The following TMEM163 variants were observed in gnomAD, a reference collection of about 807,000 sequenced individuals.
TMEM163 encodes transmembrane protein 163.
A neutral mutation model predicts 29.3 loss-of-function variants in TMEM163; 17 were observed. That is an observed-to-expected ratio of 0.58 (90% CI 0.40 to 0.87). TMEM163 has a LOEUF of 0.87. TMEM163 is among the 40% of genes least tolerant of loss of function. The pLI, the probability that TMEM163 is intolerant of heterozygous loss-of-function variation, is 0.00. For synonymous variants in TMEM163, 157 were observed against 160.6 expected (o/e 0.98, Z 0.17); for missense variants, 303 against 381.5 (o/e 0.79, Z 1.71).
intron 6 of TMEM163, among the ~76,000 whole-genome samples, chr2:134,465,206 A>G (rs1558911815): frequency 1.4e-5 from 2 of 141,000 alleles, no homozygotes; most frequent in African/African-American, 3.0e-5. Flanking sequence ...AAAAAAAACA[A>G]AAACAAAACA....
At position 134,456,529 on chromosome 2, in the gene TMEM163, GT is replaced by G. The variant is rs1219247182; in HGVS notation, c.*186del. The G allele has an allele frequency of 3.0e-4, 193 of 653,764 alleles. 1 individual carries two copies. Among genetic ancestry groups the G allele is most frequent in the Admixed American group, 1.4e-4 (6 of 41,888 alleles). 40.5% of individuals were successfully genotyped at this position (653,764 alleles called of 1,614,324 possible). A position where few individuals can be genotyped will look rare whatever the true frequency, so the allele number is the denominator to read the frequency against. ...ATTCCTATGGGCATTGTCCCAACAT[GT>G]TTGATGGGGGCGGCAGGTGATGGGG... is the stretch of plus-strand genomic sequence containing the variant. On this transcript the variant is annotated 3_prime_UTR_variant, in exon 8 of 8. Transcript: ENST00000281924.
intron 2 of TMEM163, among the ~76,000 whole-genome samples, chr2:134,556,847 T>A (rs145162669): frequency 6.6e-6 from 1 of 152,202 alleles, no homozygotes; most frequent in Admixed American, 6.5e-5. Flanking sequence ...AAATTAATAC[T>A]GTTTAATGTT....
At chr2:134,704,122 C>T (rs1684757612) in intron 2 of TMEM163, among the ~76,000 whole-genome samples, 1 of 152,098 alleles carries the variant, frequency 6.6e-6, no homozygotes, top group African/African-American at 2.4e-5. Context: ...ACCTACTGGG[C>T]CTTGGTCAAA....
chr2:134,473,535 CAAAA>C (rs59806390), intron 5 of TMEM163, among the ~76,000 whole-genome samples: 1 of 103,868 alleles, frequency 9.6e-6, no homozygotes, highest in Admixed American at 1.0e-4. Context: ...AACTCTGTCT[CAAAA>C]AAAAAAAAAA....
At chr2:134,472,046 T>G (rs981873374) in intron 5 of TMEM163, among the ~76,000 whole-genome samples, 1 of 152,216 alleles carries the variant, frequency 6.6e-6, no homozygotes, top group African/African-American at 2.4e-5. Flanking sequence ...GATGGAAGAT[T>G]ATGACAAAAA....
intron 2 of TMEM163, among the ~76,000 whole-genome samples, chr2:134,668,038 C>G (rs573999269): frequency 3.9e-4 from 59 of 152,290 alleles, no homozygotes; most frequent in Non-Finnish European, 6.5e-4. Flanking sequence ...TGCTGGGCCT[C>G]GCTTTCTGCA....
intron 2 of TMEM163, among the ~76,000 whole-genome samples, chr2:134,701,707 C>A (rs1684707524): frequency 6.6e-6 from 1 of 152,028 alleles, no homozygotes; most frequent in Non-Finnish European, 1.5e-5. Context: ...GTCAGGAGTT[C>A]AGGAGTTCGA....
chr2:134,682,904 C>T (rs537365275), intron 2 of TMEM163, among the ~76,000 whole-genome samples: 2 of 152,254 alleles, frequency 1.3e-5, no homozygotes, highest in South Asian at 4.2e-4. Context: ...ATAAACTTTG[C>T]TACATCCAGG....
intron 5 of TMEM163, among the ~76,000 whole-genome samples, chr2:134,497,204 C>G (rs1156702095): frequency 1.3e-5 from 2 of 152,180 alleles, no homozygotes; most frequent in Admixed American, 6.5e-5. Flanking sequence ...AAGCCAAGTC[C>G]TCTAAGAAGT....
intron 4 of TMEM163, among the ~76,000 whole-genome samples, chr2:134,547,423 G>T (rs1224081172): frequency 6.6e-6 from 1 of 152,038 alleles, no homozygotes; most frequent in Non-Finnish European, 1.5e-5. Flanking sequence ...TCATCCCAAG[G>T]TTTTGGGTCC....
At chr2:134,658,947 A>C (rs1683683664) in intron 2 of TMEM163, among the ~76,000 whole-genome samples, 1 of 152,146 alleles carries the variant, frequency 6.6e-6, no homozygotes, top group African/African-American at 2.4e-5. Flanking sequence ...ACTCAAATAC[A>C]GTCATGTGTC....
chr2:134,678,350 T>G (rs1030748151), intron 2 of TMEM163, among the ~76,000 whole-genome samples: 16 of 152,222 alleles, frequency 1.1e-4, no homozygotes, highest in African/African-American at 3.6e-4. Context: ...ACGCCCTGTC[T>G]CATTCTCAAG....
intron 2 of TMEM163, among the ~76,000 whole-genome samples, chr2:134,664,994 C>A (rs528570844): frequency 6.6e-6 from 1 of 152,090 alleles, no homozygotes; most frequent in Admixed American, 6.5e-5. Flanking sequence ...CACCTCAGCT[C>A]CCCTGAGGAG....
intron 2 of TMEM163, among the ~76,000 whole-genome samples, chr2:134,577,657 G>C (rs577775647): frequency 7.7e-4 from 117 of 152,194 alleles, no homozygotes; most frequent in African/African-American, 2.7e-3. Context: ...GGTGTTCCCA[G>C]GTACTTCAGA....
At chr2:134,688,088 G>T (rs1314574201) in intron 2 of TMEM163, among the ~76,000 whole-genome samples, 2 of 152,032 alleles carry the variant, frequency 1.3e-5, no homozygotes, top group Admixed American at 1.3e-4. Context: ...CCTGACTTCT[G>T]GCTGCGCAGC....
At chr2:134,639,293 A>C (rs1299163107) in intron 2 of TMEM163, among the ~76,000 whole-genome samples, 1 of 152,240 alleles carries the variant, frequency 6.6e-6, no homozygotes, top group Non-Finnish European at 1.5e-5. Context: ...TAAGTGAAGA[A>C]GGCAGAATAT....
chr2:134,470,574 C>T (rs1284611561), intron 5 of TMEM163, among the ~76,000 whole-genome samples: 1 of 152,182 alleles, frequency 6.6e-6, no homozygotes, highest in East Asian at 1.9e-4. Flanking sequence ...TGTAGAGGAA[C>T]AGAGTCTGGG....
intron 4 of TMEM163, among the ~76,000 whole-genome samples, chr2:134,518,284 T>C (rs765242921): frequency 3.3e-5 from 5 of 152,220 alleles, no homozygotes; most frequent in African/African-American, 9.6e-5. Context: ...CAAGTTACAC[T>C]GAAATGTGTT....
rs59227102 is a variant in TMEM163 at position 134,535,717 on chromosome 2, G to GTTT, written c.458+14850_458+14852dup. On this transcript the variant is annotated intron_variant, in intron 4 of 7. Transcript: ENST00000281924. ...TTTTATACATTTACTTATTTGTATG[G>GTTT]TTTTTTTTTTTGTTTGTTTGTTTTT... 8.9e-4 allele frequency among the ~76,000 whole-genome samples: 127 copies of GTTT among 142,486 alleles called. 2 individuals are homozygous for GTTT. Among genetic ancestry groups the GTTT allele is most frequent in the African/African-American group, 3.3e-3 (123 of 37,464 alleles). The allele number at this position is 142,486 out of a possible 152,430, so 93.5% of individuals were successfully genotyped here. A position where few individuals can be genotyped will look rare whatever the true frequency, so the allele number is the denominator to read the frequency against.
Sources: allele counts gnomAD v4.1 joint callset (sites outside exome capture counted in the v4.1 genomes callset), GRCh38; gene constraint gnomAD v4.1.1; transcripts MANE v1.5; gene names NCBI Gene and HGNC (gene_info 2026-07-23, HGNC 2026-07-21).